Variants in HIVEP3 observed in about 807,000 individuals in gnomAD.
The protein encoded by HIVEP3 is transcription factor HIVEP3.
In HIVEP3, 49 loss-of-function variants were observed where a neutral mutation model predicts 152.8. That is an observed-to-expected ratio of 0.32 (90% confidence interval 0.26 to 0.41). The LOEUF (loss-of-function observed/expected upper bound fraction) is 0.41, where lower values mean the gene tolerates loss of function less well. HIVEP3 is among the 10% of genes least tolerant of loss of function. The pLI is 1.00. For synonymous variants in HIVEP3, 1,269 were observed against 1,289.0 expected (o/e 0.98, Z 0.33); for missense variants, 2,790 against 3,103.3 (o/e 0.90, Z 2.40).
At chr1:41,767,259 C>T (rs1445845076) in intron 1 of HIVEP3, among the ~76,000 whole-genome samples, 1 of 152,240 alleles carries the variant, frequency 6.6e-6, no homozygotes. Flanking sequence ...TCAAATTCTG[C>T]CAAGCTTTCA....
At chr1:41,904,612 C>A (rs918062248) in intron 1 of HIVEP3, among the ~76,000 whole-genome samples, 6 of 151,822 alleles carry the variant, frequency 4.0e-5, no homozygotes, top group Non-Finnish European at 8.8e-5. Context: ...CTAGAAACAC[C>A]TCCCACAGGC....
At chr1:41,785,631 G>A (rs900149301) in intron 1 of HIVEP3, among the ~76,000 whole-genome samples, 8 of 152,110 alleles carry the variant, frequency 5.3e-5, no homozygotes, top group Non-Finnish European at 1.0e-4. Flanking sequence ...TAAATGAGAC[G>A]AAACCAAGAA....
chr1:41,580,992 G>A lies in HIVEP3; in HGVS notation c.3806C>T (p.Ala1269Val). The A allele has an allele frequency of 6.4e-7, 1 of 1,574,028 alleles. No individual in the cohort carries two copies. The highest frequency in any genetic ancestry group is 8.6e-7 in the Non-Finnish European group (1 of 1,159,014). The change falls in exon 4 of 9, where the codon GCA becomes GTA. Residue 1269 changes from alanine (A) to valine (V), a missense_variant. Physicochemically the swap from Ala to Val is moderately conservative, Grantham distance 64 (BLOSUM62 0). Coordinates refer to ENST00000372583, the MANE Select transcript of HIVEP3 (RefSeq NM_024503.5). ...PQIKTSLAPL[A>V]TGSAGLSPST... is the part of the protein sequence containing the mutation. ...GGGGGAGAGGCCAGCACTTCCTGTT[G>A]CCAGTGGGGCCAGGCTGGTTTTGAT...
At chr1:41,544,710 A>ACCACCACCAC (rs1383134554) in intron 5 of HIVEP3, among the ~76,000 whole-genome samples, 1 of 143,990 alleles carries the variant, frequency 6.9e-6, no homozygotes, top group African/African-American at 2.6e-5. Context: ...CACCACCACC[A>ACCACCACCAC]CTACCACCTG....
chr1:41,833,546 G>C (rs1198136474), intron 1 of HIVEP3, among the ~76,000 whole-genome samples: 1 of 152,208 alleles, frequency 6.6e-6, no homozygotes. Flanking sequence ...GATAAGGCCT[G>C]AACCTAGGGA....
Position 41,533,275 on chromosome 1 carries a change from G to A in HIVEP3, c.5208-8365C>T, listed in dbSNP as rs1257964197. Among the ~76,000 whole-genome samples, 2 of 152,044 alleles carry A rather than the reference G, an allele frequency of 1.3e-5. No homozygotes were observed. The highest frequency in any genetic ancestry group is 4.8e-5 in the African/African-American group (2 of 41,394). On this transcript the variant is annotated intron_variant, in intron 5 of 8. Transcript: ENST00000372583. This position sits in a 1 kb window ranked among gnomAD's most constrained non-coding sequence, Gnocchi z 4.3. ...CCTGAGGTAGACCTGCCGGGCTCTGGGTCCAGCTCCTCCTGCGGTGCCAGA... is the reference window on the plus strand; with the variant it reads ...CCTGAGGTAGACCTGCCGGGCTCTGAGTCCAGCTCCTCCTGCGGTGCCAGA...
chr1:41,981,516 C>T (rs1439072429), intron 1 of HIVEP3, among the ~76,000 whole-genome samples: 1 of 152,122 alleles, frequency 6.6e-6, no homozygotes, highest in Non-Finnish European at 1.5e-5. Flanking sequence ...AGGCCTGCCA[C>T]GTCTTCCTGC....
chr1:41,648,403 G>T (rs1570215701), intron 2 of HIVEP3, among the ~76,000 whole-genome samples: 1 of 152,144 alleles, frequency 6.6e-6, no homozygotes, highest in Admixed American at 6.5e-5. Flanking sequence ...ACTTGCCCAA[G>T]GTCACATAGC....
intron 1 of HIVEP3, among the ~76,000 whole-genome samples, chr1:41,887,074 AAAAT>A (rs1363486155): frequency 1.3e-5 from 2 of 150,752 alleles, no homozygotes; most frequent in Admixed American, 6.6e-5. Context: ...TCAATAATAA[AAAAT>A]AAATATTGTC....
chr1:41,877,481 A>G (rs995493398), intron 1 of HIVEP3, among the ~76,000 whole-genome samples: 1 of 152,202 alleles, frequency 6.6e-6, no homozygotes, highest in Non-Finnish European at 1.5e-5. Flanking sequence ...TACAAAAACC[A>G]TATTTGTGAA....
At chr1:41,982,959 C>G (rs1411529157) in intron 1 of HIVEP3, among the ~76,000 whole-genome samples, 1 of 152,198 alleles carries the variant, frequency 6.6e-6, no homozygotes, top group African/African-American at 2.4e-5. Context: ...TTTCCATAGA[C>G]CGGTAGCAGG....
At chr1:41,812,293 CG>C (rs1439144492) in intron 1 of HIVEP3, among the ~76,000 whole-genome samples, 2 of 152,060 alleles carry the variant, frequency 1.3e-5, no homozygotes, top group African/African-American at 4.8e-5. Context: ...TGCCATGGGC[CG>C]GGTGCAGTGG....
chr1:41,998,653 T>C (rs970325114), intron 1 of HIVEP3, among the ~76,000 whole-genome samples: 2 of 152,124 alleles, frequency 1.3e-5, no homozygotes, highest in African/African-American at 4.8e-5. Context: ...AAGCCAATTG[T>C]TGAAAATCAG....
At position 41,583,871 on chromosome 1, in the gene HIVEP3, G is replaced by T. The variant is rs35798350; in HGVS notation, c.927C>A (p.Ser309Arg). ...TGTGGCTCCCAGAGCTGTATAGCCCGCTGGAGAGAAGGGGCTGCTTGGGTC... is the reference window on the plus strand; with the variant it reads ...TGTGGCTCCCAGAGCTGTATAGCCCTCTGGAGAGAAGGGGCTGCTTGGGTC... The part of the protein sequence containing the change: ...SPRPKQPLLS[S>R]GLYSSGSHSS... The change falls in exon 4 of 9, where the codon AGC (serine) becomes AGA (arginine). Residue 309 changes from serine (S) to arginine (R), a missense_variant. By Grantham distance (110) the Ser-to-Arg change is moderately radical. Coordinates refer to ENST00000372583, the MANE Select transcript of HIVEP3 (RefSeq NM_024503.5). This position sits in a 1 kb window ranked among gnomAD's most constrained non-coding sequence, Gnocchi z 6.9. 2 of 1,613,532 alleles carry T rather than the reference G, an allele frequency of 1.2e-6. No homozygotes were observed. Among genetic ancestry groups the T allele is most frequent in the Non-Finnish European group, 1.7e-6 (2 of 1,179,746 alleles).
At chr1:41,832,215 T>C (rs1642983870) in intron 1 of HIVEP3, among the ~76,000 whole-genome samples, 1 of 152,206 alleles carries the variant, frequency 6.6e-6, no homozygotes, top group South Asian at 2.1e-4. Flanking sequence ...CCCTGGCAAA[T>C]GCTGGCAATG....
chr1:41,547,974 T>G (rs1643845147), intron 5 of HIVEP3, among the ~76,000 whole-genome samples: 1 of 151,986 alleles, frequency 6.6e-6, no homozygotes, highest in African/African-American at 2.4e-5. Context: ...TAATGCTCTG[T>G]CCAGCCTCCG....
At chr1:41,690,873 G>A (rs575293222) in intron 2 of HIVEP3, among the ~76,000 whole-genome samples, 82 of 152,272 alleles carry the variant, frequency 5.4e-4, no homozygotes, top group African/African-American at 1.9e-3. Context: ...AGCCGAGATC[G>A]CTCCATTGCA....
chr1:41,687,662 C>T lies in HIVEP3; in HGVS notation c.-721+13254G>A, dbSNP rs912267744. ...GATGCTGGGAGCAATGACAGAGTCC[C>T]CGGTGCCCCTTCATCATCTGAGAAA... On this transcript the variant is annotated intron_variant, in intron 2 of 8. Transcript: ENST00000372583. Among the ~76,000 whole-genome samples, 9 of 152,356 alleles carry T rather than the reference C, an allele frequency of 5.9e-5. 1 individual carries two copies. The South Asian group carries it at 6.2e-4, about 11-fold the overall frequency.
At position 41,524,940 on chromosome 1, in the gene HIVEP3, A is replaced by G. The variant is rs781739937; in HGVS notation, c.5208-30T>C. On this transcript the variant is annotated intron_variant, in intron 5 of 8. Transcript: ENST00000372583. Reference sequence around the variant, plus strand: ...GAGCAACAGGCGTCATAGTAAAGGGAAAAAAAAGGAGAAGAGGCAGGTTCC... The same window carrying G: ...GAGCAACAGGCGTCATAGTAAAGGGGAAAAAAAGGAGAAGAGGCAGGTTCC... The G allele has an allele frequency of 2.9e-5, 45 of 1,578,300 alleles. No homozygotes were observed. In the Admixed American group the frequency reaches 5.5e-4, roughly 19 times the overall value.
Sources: gnomAD v4.1 joint callset for allele counts (sites outside exome capture counted in the v4.1 genomes callset) on GRCh38, gnomAD v4.1.1 for gene constraint, Gnocchi (gnomAD v3.1) non-coding constraint, MANE v1.5 for transcripts, NCBI Gene and HGNC (gene_info 2026-07-23, HGNC 2026-07-21) for gene names.